PLEKHH2: variants seen among roughly 807,000 people sequenced by gnomAD.
The protein encoded by PLEKHH2 is pleckstrin homology, MyTH4 and FERM domain containing H2.
PLEKHH2 carries 129 observed loss-of-function variants against 187.9 expected under a neutral mutation model. The ratio of observed to expected loss-of-function variants is 0.69; its 90% confidence interval spans 0.59 to 0.79. The LOEUF (loss-of-function observed/expected upper bound fraction) is 0.79, where lower values mean the gene tolerates loss of function less well. Ranked by LOEUF, PLEKHH2 falls within the 30% of genes least tolerant of loss-of-function variation. PLEKHH2 has a pLI of 0.00. For synonymous variants in PLEKHH2, 686 were observed against 605.6 expected, an observed-to-expected ratio of 1.13 and a Z score of -1.95; for missense variants, 2,076 against 1,751.2, an observed-to-expected ratio of 1.19 and a Z score of -3.31.
intron 25 of PLEKHH2, 53 bp downstream of exon 25, chr2:43,753,813 C>A: frequency 1.5e-6 from 2 of 1,336,902 alleles, no homozygotes; most frequent in Middle Eastern, 2.1e-4. Flanking sequence ...ATACTAATTT[C>A]TACACTGAAT....
In PLEKHH2 at chr2:43,655,292, CA is replaced by C. The variant is rs113226874; in HGVS notation, c.123+10503del. On this transcript the variant is annotated intron_variant, in intron 2 of 29. Coordinates refer to ENST00000282406, the MANE Select transcript of PLEKHH2 (RefSeq NM_172069.4). ...AAATGTTGGGGATAATTAAAAACAA[CA>C]AAAAAATATCTGTATAGGATAGTGT... is the stretch of plus-strand genomic sequence containing the variant. Among the ~76,000 whole-genome samples, 1,185 of 151,856 alleles carry C rather than the reference CA, an allele frequency of 7.8e-3. 19 individuals carry two copies. The highest frequency in any genetic ancestry group is 0.027 in the African/African-American group (1,138 of 41,432).
chr2:43,658,918 A>C (rs1336722275), intron 2 of PLEKHH2: 1 of 150,136 alleles, frequency 6.7e-6, no homozygotes, highest in Non-Finnish European at 1.5e-5. Context: ...CCATCTATTG[A>C]GTTTTTTCTT....
chr2:43,656,990 GC>G (rs1249964084), intron 2 of PLEKHH2, among the ~76,000 whole-genome samples: 1 of 152,152 alleles, frequency 6.6e-6, no homozygotes, highest in Non-Finnish European at 1.5e-5. Flanking sequence ...TTGCACTCTA[GC>G]CTGGGCAACA....
intron 27 of PLEKHH2, among the ~76,000 whole-genome samples, chr2:43,760,335 A>G (rs900713112): frequency 6.7e-6 from 1 of 149,920 alleles, no homozygotes; most frequent in African/African-American, 2.5e-5. Flanking sequence ...GGTAAAATAC[A>G]CATAATGAAA....
chr2:43,697,641 T>A (rs1376953581), intron 7 of PLEKHH2, among the ~76,000 whole-genome samples: 2 of 152,230 alleles, frequency 1.3e-5, no homozygotes, highest in Non-Finnish European at 2.9e-5. Context: ...CTGTCCCATC[T>A]GCAAGATGCT....
chr2:43,746,436 A>C (rs1191274484), intron 24 of PLEKHH2, among the ~76,000 whole-genome samples: 2 of 152,112 alleles, frequency 1.3e-5, no homozygotes, highest in African/African-American at 2.4e-5. Context: ...ACCTGAGCCC[A>C]GGAGGTTGAG....
intron 21 of PLEKHH2, among the ~76,000 whole-genome samples, chr2:43,742,125 C>T (rs1318499123): frequency 6.6e-6 from 1 of 152,076 alleles, no homozygotes; most frequent in African/African-American, 2.4e-5. Flanking sequence ...CTCAACCTCC[C>T]AAGTAGCTGG....
intron 8 of PLEKHH2, among the ~76,000 whole-genome samples, chr2:43,701,756 G>A (rs1426059218): frequency 7.1e-6 from 1 of 140,428 alleles, no homozygotes; most frequent in Non-Finnish European, 1.5e-5. Context: ...GAAATGATCT[G>A]TTTAATTTTA....
chr2:43,714,927 T>A (rs1670142608), intron 15 of PLEKHH2, among the ~76,000 whole-genome samples: 1 of 152,116 alleles, frequency 6.6e-6, no homozygotes, highest in South Asian at 2.1e-4. Context: ...TAGGAGTTAG[T>A]TATACCAAGT....
At position 43,726,099 on chromosome 2, in the gene PLEKHH2, G is replaced by C. The variant is rs535902662; in HGVS notation, c.2542-173G>C. 1.2e-3 allele frequency among the ~76,000 whole-genome samples: 166 copies of C among 142,148 alleles called. No individual in the cohort carries two copies. The Middle Eastern group carries it at 0.015, about 13-fold the overall frequency. The allele number at this position is 142,148 out of a possible 152,430, so 93.3% of individuals were successfully genotyped here. On this transcript the variant is annotated intron_variant, in intron 16 of 29. Transcript: ENST00000282406. ...TGCGCCACTGCACTCCAGCCTGGGA[G>C]ACAGAGGGAGACCCAACCCTGTCTC... is the stretch of plus-strand genomic sequence containing the variant.
intron 2 of PLEKHH2, among the ~76,000 whole-genome samples, chr2:43,668,082 G>A (rs1191818134): frequency 6.6e-6 from 1 of 152,056 alleles, no homozygotes; most frequent in Non-Finnish European, 1.5e-5. Flanking sequence ...ACCCTGGCTG[G>A]AATGCAGTGG....
intron 19 of PLEKHH2, among the ~76,000 whole-genome samples, chr2:43,732,347 G>A (rs1194425657): frequency 6.6e-6 from 1 of 151,800 alleles, no homozygotes; most frequent in East Asian, 1.9e-4. Flanking sequence ...TGGGCAACAA[G>A]AGTGAAAATA....
intron 2 of PLEKHH2, among the ~76,000 whole-genome samples, chr2:43,676,817 C>T (rs1667823695): frequency 6.6e-6 from 1 of 152,214 alleles, no homozygotes; most frequent in Middle Eastern, 3.4e-3. Flanking sequence ...TATACTCTCT[C>T]CATCAGTCTG....
chr2:43,692,709 G>C (rs2104464949), intron 4 of PLEKHH2, 46 bp downstream of exon 4: 1 of 1,553,162 alleles, frequency 6.4e-7, no homozygotes, highest in Non-Finnish European at 8.7e-7. Context: ...GCACTCATTT[G>C]TGCATAATCA....
intron 25 of PLEKHH2, 127 bp downstream of exon 25, chr2:43,753,887 A>G: frequency 2.6e-6 from 2 of 757,970 alleles, no homozygotes; most frequent in Non-Finnish European, 3.9e-6. Context: ...AGCACCTTAA[A>G]AATTACAGGC....
At chr2:43,706,487 G>T in intron 10 of PLEKHH2, 71 bp downstream of exon 10, 3 of 1,117,448 alleles carry the variant, frequency 2.7e-6, no homozygotes, top group South Asian at 1.3e-5. Context: ...GTTAATTCAA[G>T]CTCCAGATTC....
chr2:43,719,954 T>G (rs1670403642), intron 15 of PLEKHH2, among the ~76,000 whole-genome samples: 1 of 152,174 alleles, frequency 6.6e-6, no homozygotes, highest in African/African-American at 2.4e-5. Flanking sequence ...ATCTGTGAAA[T>G]GTGGAAACTA....
intron 2 of PLEKHH2, among the ~76,000 whole-genome samples, chr2:43,678,606 A>C: frequency 6.6e-6 from 1 of 152,108 alleles, no homozygotes; most frequent in Non-Finnish European, 1.5e-5. Context: ...GGCACTCGGC[A>C]GGCTGAGGCA....
chr2:43,745,802 C>A, intron 23 of PLEKHH2, 64 bp from the exon 24 acceptor site: 1 of 1,269,634 alleles, frequency 7.9e-7, no homozygotes. Flanking sequence ...CTGCAGCACA[C>A]TTGTCTTCAA....
Sources: gnomAD v4.1 joint callset for allele counts (sites outside exome capture counted in the v4.1 genomes callset) on GRCh38, gnomAD v4.1.1 for gene constraint, MANE v1.5 for transcripts, NCBI Gene and HGNC (gene_info 2026-07-23, HGNC 2026-07-21) for gene names.